Variants in ZNF804B observed in about 807,000 individuals in gnomAD.
ZNF804B encodes zinc finger protein 804B, also known as zinc finger 804B.
In ZNF804B, 80 loss-of-function variants were observed where a neutral mutation model predicts 101.4. The ratio of observed to expected loss-of-function variants is 0.79; its 90% CI spans 0.66 to 0.95. ZNF804B has a LOEUF of 0.95. Ranked by LOEUF, ZNF804B falls within the 40% of genes least tolerant of loss-of-function variation. ZNF804B has a pLI of 0.00. For synonymous variants in ZNF804B, 622 were observed against 558.8 expected (o/e 1.11, Z -1.59); for missense variants, 1,673 against 1,561.9 (o/e 1.07, Z -1.20).
intron 1 of ZNF804B, among the ~76,000 whole-genome samples, chr7:88,860,400 A>G (rs953508137): frequency 7.2e-5 from 11 of 152,120 alleles, no homozygotes; most frequent in Admixed American, 7.2e-4. Context: ...TTTTGATACA[A>G]TAAGTGAATT....
At chr7:88,861,668 C>G (rs1303730786) in intron 1 of ZNF804B, among the ~76,000 whole-genome samples, 1 of 152,158 alleles carries the variant, frequency 6.6e-6, no homozygotes, top group Non-Finnish European at 1.5e-5. Flanking sequence ...AACATATCTT[C>G]TATCGTAGGT....
chr7:88,878,087 A>G (rs1791978619), intron 1 of ZNF804B, among the ~76,000 whole-genome samples: 1 of 152,212 alleles, frequency 6.6e-6, no homozygotes, highest in Admixed American at 6.5e-5. Flanking sequence ...CAATATGTAC[A>G]TTTTAACTGA....
intron 2 of ZNF804B, among the ~76,000 whole-genome samples, chr7:89,241,802 CTTT>C (rs35802915): frequency 2.6e-4 from 38 of 144,318 alleles, no homozygotes; most frequent in African/African-American, 8.0e-4. Context: ...TGAGAATAGT[CTTT>C]TTTTTTTTTT....
intron 1 of ZNF804B, among the ~76,000 whole-genome samples, chr7:88,874,593 T>G (rs904047414): frequency 1.3e-5 from 2 of 152,020 alleles, no homozygotes; most frequent in Non-Finnish European, 2.9e-5. Context: ...TTCAGTATGA[T>G]ATTGGCTGTG....
chr7:89,177,328 T>G (rs1791337114), intron 1 of ZNF804B, among the ~76,000 whole-genome samples: 1 of 152,226 alleles, frequency 6.6e-6, no homozygotes, highest in Admixed American at 6.5e-5. Flanking sequence ...TTCATTTTCA[T>G]TTAAGACACT....
chr7:89,071,176 A>G (rs547913819), intron 1 of ZNF804B, among the ~76,000 whole-genome samples: 48 of 152,244 alleles, frequency 3.2e-4, no homozygotes, highest in Non-Finnish European at 5.7e-4. Flanking sequence ...TTCAATACAG[A>G]CACAATTGCC....
intron 2 of ZNF804B, among the ~76,000 whole-genome samples, chr7:89,226,923 CAT>C (rs1011387804): frequency 2.2e-4 from 34 of 152,244 alleles, no homozygotes; most frequent in African/African-American, 7.7e-4. Flanking sequence ...AAAAACATCA[CAT>C]AAGTCAGATA....
chr7:88,987,085 ACTTGTCC>A (rs1174411691), intron 1 of ZNF804B, among the ~76,000 whole-genome samples: 3 of 152,172 alleles, frequency 2.0e-5, no homozygotes, highest in East Asian at 3.9e-4. Context: ...ATGGCTACTT[ACTTGTCC>A]CTCAACTACT....
In ZNF804B at chr7:88,783,409, T is replaced by A. The variant is rs1790257631; in HGVS notation, c.108+23325T>A. Among the ~76,000 whole-genome samples the A allele has an allele frequency of 2.0e-5, 3 of 152,146 alleles. No homozygotes were observed. In the South Asian group the frequency reaches 6.2e-4, roughly 32 times the overall value. On this transcript the variant is annotated intron_variant, in intron 1 of 3. Coordinates refer to ENST00000333190, the MANE Select transcript of ZNF804B (RefSeq NM_181646.5). ...GATTAGTGCTGTGACTTTGGGCGCA[T>A]CTCTACATGCTTCATTTTCCTCACT...
chr7:88,890,655 A>G (rs565967118), intron 1 of ZNF804B, among the ~76,000 whole-genome samples: 3 of 152,222 alleles, frequency 2.0e-5, no homozygotes, highest in South Asian at 2.1e-4. Context: ...CCAAAATTTT[A>G]TTAATGGAAC....
chr7:88,854,927 C>T (rs1189062902), intron 1 of ZNF804B, among the ~76,000 whole-genome samples: 3 of 151,766 alleles, frequency 2.0e-5, no homozygotes, highest in African/African-American at 7.3e-5. Flanking sequence ...CTACAAAGGA[C>T]ATGAACTCAT....
chr7:88,877,026 A>ATATATATAAT (rs1491138122), intron 1 of ZNF804B, among the ~76,000 whole-genome samples: 1 of 41,096 alleles, frequency 2.4e-5, no homozygotes, highest in African/African-American at 1.7e-4. Context: ...ATATATATAT[A>ATATATATAAT]ATATATATAT....
intron 1 of ZNF804B, among the ~76,000 whole-genome samples, chr7:89,173,016 A>G (rs1355202816): frequency 6.6e-6 from 1 of 152,150 alleles, no homozygotes; most frequent in Non-Finnish European, 1.5e-5. Flanking sequence ...ACGATAATTC[A>G]AGGCAATGAT....
intron 2 of ZNF804B, among the ~76,000 whole-genome samples, chr7:89,292,324 C>A (rs952857923): frequency 1.3e-5 from 2 of 151,840 alleles, no homozygotes; most frequent in African/African-American, 4.8e-5. Flanking sequence ...TTGAATGAAT[C>A]AAAAATAATA....
chr7:88,829,195 C>A (rs917558055), intron 1 of ZNF804B, among the ~76,000 whole-genome samples: 2 of 152,046 alleles, frequency 1.3e-5, no homozygotes, highest in African/African-American at 2.4e-5. Context: ...AACTCCTGGG[C>A]TCCTCCCACC....
At chr7:89,173,057 T>C (rs1022154496) in intron 1 of ZNF804B, among the ~76,000 whole-genome samples, 2 of 152,124 alleles carry the variant, frequency 1.3e-5, no homozygotes, top group African/African-American at 4.8e-5. Flanking sequence ...TGGGCCCTCC[T>C]GGGGTATGAA....
At chr7:88,960,253 A>G (rs1276258806) in intron 1 of ZNF804B, among the ~76,000 whole-genome samples, 3 of 151,366 alleles carry the variant, frequency 2.0e-5, no homozygotes, top group Non-Finnish European at 4.4e-5. Flanking sequence ...CAGCACCAGA[A>G]ATAAGACCCC....
intron 1 of ZNF804B, chr7:88,795,742 G>C (rs1790471558): frequency 6.6e-6 from 1 of 152,012 alleles, no homozygotes; most frequent in Non-Finnish European, 1.5e-5. Flanking sequence ...GTTCTCAGCT[G>C]TCCTGTGTTC....
chr7:89,173,027 T>G (rs554974569), intron 1 of ZNF804B, among the ~76,000 whole-genome samples: 7 of 152,256 alleles, frequency 4.6e-5, no homozygotes, highest in Admixed American at 4.6e-4. Flanking sequence ...AGGCAATGAT[T>G]ACAATTTGAG....
Sources: allele counts gnomAD v4.1 joint callset (sites outside exome capture counted in the v4.1 genomes callset), GRCh38; gene constraint gnomAD v4.1.1; transcripts MANE v1.5; gene names NCBI Gene and HGNC (gene_info 2026-07-23, HGNC 2026-07-21).